The following SV2C variants were observed in gnomAD, a reference collection of about 807,000 sequenced individuals.
SV2C encodes the protein solute carrier family 22 member B3.
A neutral mutation model predicts 79.7 loss-of-function variants in SV2C; 49 were observed. The observed-to-expected ratio is 0.61, with a 90% confidence interval of 0.49 to 0.78. The LOEUF is 0.78. Ranked by LOEUF, SV2C falls within the 30% of genes least tolerant of loss-of-function variation. The probability of loss-of-function intolerance (pLI) is 0.00; values close to 1 mark genes in which losing one functional copy is unlikely to be tolerated. For missense variants in SV2C, 833 were observed against 912.9 expected (o/e 0.91, Z 1.13); for synonymous variants, 334 against 333.2 (o/e 1.00, Z -0.03).
the SV2C span, among the ~76,000 whole-genome samples, chr5:75,971,537 A>G: frequency 1.3e-5 from 2 of 152,240 alleles, no homozygotes; most frequent in East Asian, 1.9e-4. Context: ...AATAACAGAC[A>G]AACAGATAGC....
chr5:76,333,995 G>A (rs1749258679), downstream of SV2C: 2 of 151,274 alleles, frequency 1.3e-5, no homozygotes, highest in African/African-American at 4.9e-5. Context: ...AGCATGAATT[G>A]ACCCTTCAAA....
the SV2C span, among the ~76,000 whole-genome samples, chr5:75,935,438 C>T: frequency 6.6e-6 from 1 of 152,034 alleles, no homozygotes; most frequent in Non-Finnish European, 1.5e-5. Context: ...TAGGAGTCTA[C>T]CTTCCAGAAA....
the SV2C span, among the ~76,000 whole-genome samples, chr5:75,882,597 A>T: frequency 2.0e-5 from 3 of 152,162 alleles, no homozygotes; most frequent in Non-Finnish European, 4.4e-5. Flanking sequence ...ATAACACCGC[A>T]TATCTACAAC....
At chr5:76,047,351 C>T in the SV2C span, among the ~76,000 whole-genome samples, 1 of 152,162 alleles carries the variant, frequency 6.6e-6, no homozygotes, top group Admixed American at 6.5e-5. Context: ...TAAGTGGAAT[C>T]ACATAGTATG....
At chr5:76,077,612 G>A in the SV2C span, among the ~76,000 whole-genome samples, 1 of 152,212 alleles carries the variant, frequency 6.6e-6, no homozygotes, top group African/African-American at 2.4e-5. Flanking sequence ...GGGGGCACCA[G>A]CCACAAGAGC....
chr5:75,962,756 G>C, the SV2C span, among the ~76,000 whole-genome samples: 2 of 152,114 alleles, frequency 1.3e-5, no homozygotes, highest in Non-Finnish European at 2.9e-5. Context: ...AATGAGTTTT[G>C]AGCCATGTGG....
chr5:76,271,015 T>A (rs1180899195), intron 4 of SV2C, among the ~76,000 whole-genome samples: 9 of 152,156 alleles, frequency 5.9e-5, no homozygotes, highest in Admixed American at 1.3e-4. Context: ...GTGATCTGCC[T>A]GCCTTGGCCT....
At chr5:75,968,667 G>A in the SV2C span, among the ~76,000 whole-genome samples, 1 of 152,214 alleles carries the variant, frequency 6.6e-6, no homozygotes, top group African/African-American at 2.4e-5. Flanking sequence ...CAAGAAATAT[G>A]GGACTATGTG....
At chr5:76,200,631 T>C (rs1205542848) in intron 3 of SV2C, among the ~76,000 whole-genome samples, 1 of 152,126 alleles carries the variant, frequency 6.6e-6, no homozygotes, top group Non-Finnish European at 1.5e-5. Flanking sequence ...TCTTTTTTAT[T>C]TTATTTTTTG....
chr5:76,319,678 C>T (rs928222370), intron 12 of SV2C, among the ~76,000 whole-genome samples: 2 of 152,130 alleles, frequency 1.3e-5, no homozygotes, highest in African/African-American at 4.8e-5. Flanking sequence ...ACGCATCTGC[C>T]TTTAGTCTGC....
At chr5:76,185,408 T>G (rs1206217798) in intron 2 of SV2C, among the ~76,000 whole-genome samples, 2 of 152,232 alleles carry the variant, frequency 1.3e-5, no homozygotes, top group African/African-American at 4.8e-5. Context: ...TCCCACATTT[T>G]CCTTCCTTAC....
the SV2C span, among the ~76,000 whole-genome samples, chr5:75,939,060 C>T: frequency 6.6e-6 from 1 of 152,098 alleles, no homozygotes; most frequent in East Asian, 1.9e-4. Flanking sequence ...GGAGGGCCTC[C>T]AGAGCATGAA....
chr5:75,875,211 C>T, the SV2C span, among the ~76,000 whole-genome samples: 96 of 152,152 alleles, frequency 6.3e-4, no homozygotes, highest in African/African-American at 2.1e-3. Flanking sequence ...CAAAACAGCA[C>T]AGTACTGGTA....
intron 4 of SV2C, among the ~76,000 whole-genome samples, chr5:76,245,061 T>C (rs1011677076): frequency 6.6e-6 from 1 of 152,218 alleles, no homozygotes; most frequent in Non-Finnish European, 1.5e-5. Context: ...TACCCCCAAA[T>C]TGGGTTAGTT....
At chr5:76,108,638 T>A (rs1307348960) in intron 1 of SV2C, among the ~76,000 whole-genome samples, 2 of 152,216 alleles carry the variant, frequency 1.3e-5, no homozygotes, top group Non-Finnish European at 2.9e-5. Context: ...GCCAAAAATT[T>A]TTTTTCATTG....
At chr5:76,231,900 G>A (rs1465610744) in intron 4 of SV2C, among the ~76,000 whole-genome samples, 5 of 144,864 alleles carry the variant, frequency 3.5e-5, no homozygotes, top group African/African-American at 1.4e-4. Flanking sequence ...ATAAACATAC[G>A]TGTGCATGTG....
intron 2 of SV2C, among the ~76,000 whole-genome samples, chr5:76,145,522 G>T (rs1189115682): frequency 2.0e-5 from 3 of 152,182 alleles, no homozygotes; most frequent in Non-Finnish European, 4.4e-5. Context: ...CCTTGAGAGG[G>T]ATTTGCTGAA....
chr5:76,247,928 G>A (rs75261190), intron 4 of SV2C, among the ~76,000 whole-genome samples: 2,316 of 152,208 alleles, frequency 0.015, 27 homozygotes, highest in Admixed American at 0.022. Context: ...TCCTCACCTG[G>A]CAAGGTATTT....
chr5:76,213,618 C>T (rs1501925), intron 4 of SV2C, among the ~76,000 whole-genome samples: 93,730 of 151,864 alleles, frequency 0.62, 29,887 homozygotes, highest in East Asian at 0.92. Context: ...TGAGGTATGA[C>T]TGACAAGTAA....
Sources: gnomAD v4.1 joint callset for allele counts (sites outside exome capture counted in the v4.1 genomes callset) on GRCh38, gnomAD v4.1.1 for gene constraint, MANE v1.5 for transcripts, NCBI Gene and HGNC (gene_info 2026-07-23, HGNC 2026-07-21) for gene names.